Variants in HDLBP observed in about 807,000 individuals in gnomAD.
The protein encoded by HDLBP is high density lipoprotein binding protein, also known as vigilin.
HDLBP carries 30 observed loss-of-function variants against 137.3 expected under a neutral mutation model. The ratio of observed to expected loss-of-function variants is 0.22; its 90% confidence interval spans 0.16 to 0.30. The LOEUF (loss-of-function observed/expected upper bound fraction) is 0.30, where lower values mean the gene tolerates loss of function less well. Ranked by LOEUF, HDLBP falls within the 10% of genes least tolerant of loss-of-function variation. The pLI is 1.00. For synonymous variants in HDLBP, 606 were observed against 596.0 expected (o/e 1.02, Z -0.24); for missense variants, 1,119 against 1,667.3 (o/e 0.67, Z 5.73).
At chr2:241,302,859 A>C (rs553887089) in intron 1 of HDLBP, 29 of 152,370 alleles carry the variant, frequency 1.9e-4, no homozygotes, top group African/African-American at 7.0e-4. Flanking sequence ...CCAAGGAACC[A>C]CACACACTCA....
chr2:241,272,357 C>T lies in HDLBP; in HGVS notation c.-102-3816G>A. On this transcript the variant is annotated intron_variant, in intron 1 of 27. Transcript: ENST00000310931. The surrounding 1 kb of genome is among the most constrained non-coding windows in gnomAD (Gnocchi z 5.6). ...GGAGGGCCGGCCCCGCCAACGTCAG[C>T]GACCTGGGCTCAGGTCGGCCGCCCC... 1.0e-6 allele frequency: 1 copy of T among 984,490 alleles called. No homozygotes were observed. Among genetic ancestry groups the T allele is most frequent in the African/African-American group, 1.7e-5 (1 of 57,272 alleles). The allele number at this position is 984,490 out of a possible 1,614,324, so 61.0% of individuals were successfully genotyped here.
Position 241,238,456 on chromosome 2 carries a change from A to G in HDLBP, c.2749+193T>C, listed in dbSNP as rs953947160. 7 of 441,750 alleles carry G rather than the reference A, an allele frequency of 1.6e-5. No individual in the cohort carries two copies. The highest frequency in any genetic ancestry group is 6.1e-4 in the Middle Eastern group (1 of 1,636). 27.4% of individuals were successfully genotyped at this position (441,750 alleles called of 1,614,324 possible). A position where few individuals can be genotyped will look rare whatever the true frequency, so the allele number is the denominator to read the frequency against. On this transcript the variant is annotated intron_variant, in intron 20 of 27. Transcript: ENST00000310931. The surrounding 1 kb of genome is among the most constrained non-coding windows in gnomAD (Gnocchi z 4.9). Reference sequence around the variant, plus strand: ...TAGGACCTATGAAGGTCACCTGGTCACTCTGTCAGTAACTGACGTGGTCCA... The same window carrying G: ...TAGGACCTATGAAGGTCACCTGGTCGCTCTGTCAGTAACTGACGTGGTCCA...
Position 241,238,461 on chromosome 2 carries a change from G to A in HDLBP, c.2749+188C>T. ...CCTATGAAGGTCACCTGGTCACTCTGTCAGTAACTGACGTGGTCCATCTTT... is the reference window on the plus strand; with the variant it reads ...CCTATGAAGGTCACCTGGTCACTCTATCAGTAACTGACGTGGTCCATCTTT... On this transcript the variant is annotated intron_variant, in intron 20 of 27. Coordinates refer to ENST00000310931, the MANE Select transcript of HDLBP (RefSeq NM_005336.6). The surrounding 1 kb of genome is among the most constrained non-coding windows in gnomAD (Gnocchi z 4.9). The A allele has an allele frequency of 2.2e-6, 1 of 457,054 alleles. No individual in the cohort carries two copies. Among genetic ancestry groups the A allele is most frequent in the Non-Finnish European group, 3.8e-6 (1 of 260,408 alleles). The allele number at this position is 457,054 out of a possible 1,614,324, so 28.3% of individuals were successfully genotyped here. A position where few individuals can be genotyped will look rare whatever the true frequency, so the allele number is the denominator to read the frequency against.
At chr2:241,235,646 G>T (rs760140249) in intron 21 of HDLBP, 52 bp from the exon 22 acceptor site, 1 of 1,314,800 alleles carries the variant, frequency 7.6e-7, no homozygotes, top group East Asian at 2.3e-5. Flanking sequence ...GCAGAGTGAC[G>T]TTGTAAGCTC....
At chr2:241,287,568 C>T (rs888445963) in intron 1 of HDLBP, among the ~76,000 whole-genome samples, 3 of 152,032 alleles carry the variant, frequency 2.0e-5, no homozygotes, top group South Asian at 2.1e-4. Flanking sequence ...TACAGGTGTG[C>T]GCCACTATGC....
chr2:241,258,809 G>A lies in HDLBP; in HGVS notation c.451-2003C>T, dbSNP rs145355565. On this transcript the variant is annotated intron_variant, in intron 5 of 27. Transcript: ENST00000310931. ...AAAATGCAAATTTAAAGTATATTTGGTTGCCTCTCACATCGGCTAAAACCC... is the reference window on the plus strand; with the variant it reads ...AAAATGCAAATTTAAAGTATATTTGATTGCCTCTCACATCGGCTAAAACCC... Among the ~76,000 whole-genome samples the A allele has an allele frequency of 1.7e-4, 26 of 152,206 alleles. No individual in the cohort carries two copies. In the East Asian group the frequency reaches 5.0e-3, roughly 29 times the overall value.
intron 1 of HDLBP, among the ~76,000 whole-genome samples, chr2:241,283,733 C>T (rs535117237): frequency 5.9e-5 from 9 of 152,242 alleles, no homozygotes; most frequent in African/African-American, 2.2e-4. Flanking sequence ...CTCAGCCTCC[C>T]GAAGTGCTGG....
chr2:241,255,649 C>A (rs752298082), intron 7 of HDLBP, 69 bp from the exon 8 acceptor site: 28 of 1,270,246 alleles, frequency 2.2e-5, no homozygotes, highest in Admixed American at 3.4e-5. Flanking sequence ...GGCATGGCCA[C>A]TGCTGCAGAA....
intron 1 of HDLBP, among the ~76,000 whole-genome samples, chr2:241,276,069 G>A (rs565237409): frequency 6.6e-6 from 1 of 152,090 alleles, no homozygotes; most frequent in South Asian, 2.1e-4. Flanking sequence ...AGCAGAATAT[G>A]CAAGTACAAA....
intron 1 of HDLBP, among the ~76,000 whole-genome samples, chr2:241,300,555 G>T (rs191974565): frequency 1.3e-5 from 2 of 152,306 alleles, no homozygotes; most frequent in African/African-American, 2.4e-5. Context: ...CTAAGAAGAA[G>T]AATCCTAATG....
chr2:241,301,130 C>A (rs2075383937), intron 1 of HDLBP, among the ~76,000 whole-genome samples: 1 of 149,396 alleles, frequency 6.7e-6, no homozygotes, highest in Non-Finnish European at 1.5e-5. Flanking sequence ...GCGCCCGCCA[C>A]CAGGCCCGGC....
rs375266316 is a variant in HDLBP at position 241,256,180 on chromosome 2, G to A, written c.873+4C>T. 6.2e-7 allele frequency: 1 copy of A among 1,612,630 alleles called. No homozygotes were observed. Among genetic ancestry groups the A allele is most frequent in the South Asian group, 1.1e-5 (1 of 91,048 alleles). ...TGGGGATTTGCCTCCTCTAAATCGTGTACCTTCTCCTCATAAATCTTCTTG... is the reference window on the plus strand; with the variant it reads ...TGGGGATTTGCCTCCTCTAAATCGTATACCTTCTCCTCATAAATCTTCTTG... On this transcript the variant is annotated splice_donor_region_variant and intron_variant, in intron 7 of 27. Coordinates refer to ENST00000310931, the MANE Select transcript of HDLBP (RefSeq NM_005336.6).
rs372481816 is a variant in HDLBP at position 241,239,366 on chromosome 2, TTC to T, written c.2610+234_2610+235del. Among the ~76,000 whole-genome samples, 11 of 152,080 alleles carry T rather than the reference TTC, an allele frequency of 7.2e-5. No individual in the cohort carries two copies. Among genetic ancestry groups the T allele is most frequent in the African/African-American group, 1.2e-4 (5 of 41,482 alleles). On this transcript the variant is annotated intron_variant, in intron 19 of 27. Coordinates refer to ENST00000310931, the MANE Select transcript of HDLBP (RefSeq NM_005336.6). The surrounding 1 kb of genome is among the most constrained non-coding windows in gnomAD (Gnocchi z 4.6). Reference sequence around the variant, plus strand: ...CTCTCTCTCCCCTCTCCTCTTCTCCTTCTCTCTCTCTTTTTTTTTTTAAGTGC... The same window carrying T: ...CTCTCTCTCCCCTCTCCTCTTCTCCTTCTCTCTCTTTTTTTTTTTAAGTGC...
At chr2:241,268,359 T>C (rs746249878) in intron 2 of HDLBP, 118 bp downstream of exon 2, 292 of 607,704 alleles carry the variant, frequency 4.8e-4, no homozygotes, top group Non-Finnish European at 5.6e-4. Flanking sequence ...CACGAGAAAC[T>C]TGAAGGTGTG....
Position 241,272,617 on chromosome 2 carries a change from G to A in HDLBP, c.-102-4076C>T, listed in dbSNP as rs2074180177. 1.0e-6 allele frequency: 1 copy of A among 981,532 alleles called. No individual in the cohort carries two copies. The highest frequency in any genetic ancestry group is 1.2e-6 in the Non-Finnish European group (1 of 827,580). The allele number at this position is 981,532 out of a possible 1,614,324, so 60.8% of individuals were successfully genotyped here. On this transcript the variant is annotated intron_variant, in intron 1 of 27. Coordinates refer to ENST00000310931, the MANE Select transcript of HDLBP (RefSeq NM_005336.6). The surrounding 1 kb of genome is among the most constrained non-coding windows in gnomAD (Gnocchi z 5.6). Reference sequence around the variant, plus strand: ...CCCGCGGGCGGGGGCCGCAGCCTGGGGCCCGGGTGGGGGCCGCGGCACCCG... The same window carrying A: ...CCCGCGGGCGGGGGCCGCAGCCTGGAGCCCGGGTGGGGGCCGCGGCACCCG...
Position 241,230,946 on chromosome 2 carries a change from TA to T in HDLBP, c.3289-3del, listed in dbSNP as rs778255938. On this transcript the variant is annotated splice_polypyrimidine_tract_variant and splice_region_variant and intron_variant, in intron 24 of 27. Coordinates refer to ENST00000310931, the MANE Select transcript of HDLBP (RefSeq NM_005336.6). This position sits in a 1 kb window ranked among gnomAD's most constrained non-coding sequence, Gnocchi z 5.0. ...TGTGATGGTAATTTGGTCCTGGGGC[TA>T]AAAAAGGAGAATGTAGTCAGAAAAG... is the stretch of plus-strand genomic sequence containing the variant. The T allele has an allele frequency of 1.9e-6, 3 of 1,611,146 alleles. No homozygotes were observed. The highest frequency in any genetic ancestry group is 1.7e-5 in the Admixed American group (1 of 59,870).
chr2:241,255,009 A>G (rs1000500680), intron 9 of HDLBP, 42 bp downstream of exon 9: 5 of 1,422,300 alleles, frequency 3.5e-6, no homozygotes, highest in Admixed American at 1.7e-5. Context: ...AAGACAGAAA[A>G]CAAGACAAAT....
intron 16 of HDLBP, among the ~76,000 whole-genome samples, chr2:241,246,287 G>A (rs1010663459): frequency 1.3e-5 from 2 of 152,116 alleles, no homozygotes; most frequent in Admixed American, 1.3e-4. Context: ...GGGGAGTGTG[G>A]TTTTCAGGAG....
intron 1 of HDLBP, chr2:241,315,007 G>C (rs916537857): frequency 6.6e-6 from 1 of 152,096 alleles, no homozygotes; most frequent in African/African-American, 2.4e-5. Context: ...AGCCGCCCGC[G>C]CCCATCCCGC....
Sources: gnomAD v4.1 joint callset for allele counts (sites outside exome capture counted in the v4.1 genomes callset) on GRCh38, gnomAD v4.1.1 for gene constraint, Gnocchi (gnomAD v3.1) non-coding constraint, MANE v1.5 for transcripts, NCBI Gene and HGNC (gene_info 2026-07-23, HGNC 2026-07-21) for gene names.